HEXIM2: variants seen among roughly 807,000 people sequenced by gnomAD.
The protein encoded by HEXIM2 is protein HEXIM2.
For missense variants in HEXIM2, 413 were observed against 390.8 expected (o/e 1.06, Z -0.48); for synonymous variants, 159 against 162.7 (o/e 0.98, Z 0.17).
chr17:45,169,063 T>C lies in HEXIM2; in HGVS notation c.115T>C (p.Ser39Pro). ...SPQTPPERHD[S>P]GGSLPLTPRM... ...CCAAACACCCCCTGAGCGTCATGAC[T>C]CTGGTGGTTCCCTGCCCCTGACACC... The change falls in exon 4 of 4, where the codon TCT becomes CCT. Residue 39 changes from serine to proline, a missense_variant. Coordinates refer to ENST00000589230, the MANE Select transcript of HEXIM2 (RefSeq NM_001303441.2). 3.1e-6 allele frequency: 5 copies of C among 1,613,982 alleles called. No individual in the cohort carries two copies. Among genetic ancestry groups the C allele is most frequent in the Non-Finnish European group, 4.2e-6 (5 of 1,179,986 alleles).
chr17:45,168,050 A>T (rs1052160313), intron 3 of HEXIM2, among the ~76,000 whole-genome samples: 2 of 145,526 alleles, frequency 1.4e-5, no homozygotes, highest in African/African-American at 5.1e-5. Flanking sequence ...CGCCCGGCTT[A>T]TTTTTGTATT....
In HEXIM2 at chr17:45,162,737, T is replaced by A. The variant is rs1461986731; in HGVS notation, c.-44-13T>A. 1 of 1,612,684 alleles carries A rather than the reference T, an allele frequency of 6.2e-7. No homozygotes were observed. The highest frequency in any genetic ancestry group is 8.5e-7 in the Non-Finnish European group (1 of 1,179,472). Reference sequence around the variant, plus strand: ...TCCTTCAGGATTTAGGTTTCTGTTGTTGTTCAAAGCAGGTGTCACTAGTTC... The same window carrying A: ...TCCTTCAGGATTTAGGTTTCTGTTGATGTTCAAAGCAGGTGTCACTAGTTC... On this transcript the variant is annotated splice_polypyrimidine_tract_variant and intron_variant, in intron 2 of 3. Transcript: ENST00000589230.
chr17:45,170,008 G>C lies in HEXIM2; in HGVS notation c.*199G>C. 2.2e-6 allele frequency: 1 copy of C among 462,648 alleles called. No homozygotes were observed. Among genetic ancestry groups the C allele is most frequent in the African/African-American group, 2.0e-5 (1 of 50,200 alleles). The allele number at this position is 462,648 out of a possible 1,614,324, so 28.7% of individuals were successfully genotyped here. ...TTTGTGTCATCTTACCCTTTACAGA[G>C]AAATTAAATGGCCTTGGTGGGACCA... On this transcript the variant is annotated 3_prime_UTR_variant, in exon 4 of 4. Coordinates refer to ENST00000589230, the MANE Select transcript of HEXIM2 (RefSeq NM_001303441.2).
rs549837544 is a variant in HEXIM2 at position 45,169,885 on chromosome 17, G to C, written c.*76G>C. 24 of 1,295,202 alleles carry C rather than the reference G, an allele frequency of 1.9e-5. No individual in the cohort carries two copies. In the Admixed American group the frequency reaches 5.8e-4, roughly 31 times the overall value. The allele number at this position is 1,295,202 out of a possible 1,614,324, so 80.2% of individuals were successfully genotyped here. On this transcript the variant is annotated 3_prime_UTR_variant, in exon 4 of 4. Coordinates refer to ENST00000589230, the MANE Select transcript of HEXIM2 (RefSeq NM_001303441.2). ...ACTCAGGCCAGCTGGGTCTCAAGGA[G>C]GCAGGTGGCAGATGAAAACCACCGT...
chr17:45,168,381 G>C (rs1390905342), intron 3 of HEXIM2, among the ~76,000 whole-genome samples: 1 of 151,810 alleles, frequency 6.6e-6, no homozygotes, highest in Non-Finnish European at 1.5e-5. Flanking sequence ...TACGCGGGAG[G>C]CTGAGGCTGG....
Position 45,169,028 on chromosome 17 carries a change from CG to C in HEXIM2, c.84del (p.Ser29AlafsTer17). 1 of 1,609,852 alleles carries C rather than the reference CG, an allele frequency of 6.2e-7. No homozygotes were observed. Among genetic ancestry groups the C allele is most frequent in the East Asian group, 2.2e-5 (1 of 44,830 alleles). On this transcript the variant is annotated frameshift_variant, in exon 4 of 4. Coordinates refer to ENST00000589230, the MANE Select transcript of HEXIM2 (RefSeq NM_001303441.2). LOFTEE classifies it low-confidence loss of function (END_TRUNC). ...CCCTCTCTTTAGACCTCTGGTGCCC[CG>C]GGGAGCCCCCAAACACCCCCTGAGC... ...ALEEAKTSGA[P>X]GSPQTPPERH...
chr17:45,161,016 T>G (rs1263664344), upstream of HEXIM2: 1 of 1,191,910 alleles, frequency 8.4e-7, no homozygotes, highest in East Asian at 5.7e-5. Context: ...TGGCCAGACC[T>G]GCGACCTCCG....
rs766863468 is a variant in HEXIM2 at position 45,169,563 on chromosome 17, G to C, written c.615G>C (p.Leu205=). ...ACGAACGCTTCCACACCGAGAGCCT[G>C]CAGGGCCGCAGCAAGCAGGAGCTGG... ...ETYERFHTES[L]QGRSKQELVR... is the part of the protein sequence containing the mutation. Residue 205 remains leucine, a synonymous_variant, in exon 4 of 4, where the codon CTG becomes CTC. Transcript: ENST00000589230. The C allele has an allele frequency of 3.9e-6, 6 of 1,555,754 alleles. No individual in the cohort carries two copies. The highest frequency in any genetic ancestry group is 1.4e-5 in the African/African-American group (1 of 73,058).
chr17:45,166,790 G>A (rs1159075198), intron 3 of HEXIM2, among the ~76,000 whole-genome samples: 3 of 151,872 alleles, frequency 2.0e-5, no homozygotes, highest in Admixed American at 6.6e-5. Context: ...TTGGGAGGCC[G>A]AGGCGGGTGG....
At chr17:45,160,921 G>C (rs1336736425), upstream of HEXIM2, 3 of 1,289,796 alleles carry the variant, frequency 2.3e-6, no homozygotes, top group Admixed American at 2.3e-5. Flanking sequence ...CGGGCGGCGA[G>C]ATGGCGCTTT....
At chr17:45,164,332 A>G (rs2042782272) in intron 3 of HEXIM2, among the ~76,000 whole-genome samples, 1 of 151,994 alleles carries the variant, frequency 6.6e-6, no homozygotes, top group African/African-American at 2.4e-5. Context: ...GCACATTTCT[A>G]TAATCCCAGC....
intron 3 of HEXIM2, among the ~76,000 whole-genome samples, chr17:45,164,684 A>G (rs975836600): frequency 2.5e-4 from 38 of 152,188 alleles, no homozygotes; most frequent in African/African-American, 9.2e-4. Context: ...ATAACCCACG[A>G]AAGAGGAGAG....
chr17:45,169,704 G>T lies in HEXIM2; in HGVS notation c.756G>T (p.Leu252=). 1 of 1,529,374 alleles carries T rather than the reference G, an allele frequency of 6.5e-7. No homozygotes were observed. The highest frequency in any genetic ancestry group is 8.8e-7 in the Non-Finnish European group (1 of 1,135,634). 94.7% of individuals were successfully genotyped at this position (1,529,374 alleles called of 1,614,324 possible). The change falls in exon 4 of 4, where the codon CTG becomes CTT. Residue 252 remains leucine, a synonymous_variant. Transcript: ENST00000589230. ...GQQSCRQVEE[L]AAEVQRLRTE... is the part of the protein sequence containing the mutation. ...AGTCCTGCCGCCAGGTGGAGGAGCT[G>T]GCTGCCGAGGTCCAGAGGCTCCGGA...
chr17:45,164,967 G>A (rs909921430), intron 3 of HEXIM2, among the ~76,000 whole-genome samples: 1 of 152,196 alleles, frequency 6.6e-6, no homozygotes, highest in Non-Finnish European at 1.5e-5. Context: ...CTTATCTACA[G>A]TAGTGGTCAT....
chr17:45,161,008 G>A, upstream of HEXIM2: 1 of 1,234,884 alleles, frequency 8.1e-7, no homozygotes. Context: ...CCGACTTGTG[G>A]CCAGACCTGC....
At chr17:45,162,142 C>CT in intron 1 of HEXIM2, 111 bp downstream of exon 1, 1 of 422,460 alleles carries the variant, frequency 2.4e-6, no homozygotes, top group Non-Finnish European at 3.2e-6. Context: ...GCAAAGACCT[C>CT]TTTCCCCTTT....
upstream of HEXIM2, chr17:45,161,065 C>G (rs996161835): frequency 2.3e-5 from 17 of 739,044 alleles, no homozygotes; most frequent in Non-Finnish European, 3.3e-5. Context: ...TCTGGCGTCG[C>G]CCCCACCTCT....
rs1598127092 is a variant in HEXIM2 at position 45,161,941 on chromosome 17, T to C, written c.-283T>C. On this transcript the variant is annotated 5_prime_UTR_variant, in exon 1 of 4. Transcript: ENST00000589230. ...GAGCTGCTGCAACTGCAGCAAGAGG[T>C]AGGGCTCAGGCGTTGGGAATTGCAC... 1 of 985,338 alleles carries C rather than the reference T, an allele frequency of 1.0e-6. No individual in the cohort carries two copies. The highest frequency in any genetic ancestry group is 1.7e-5 in the African/African-American group (1 of 57,198). The allele number at this position is 985,338 out of a possible 1,614,324, so 61.0% of individuals were successfully genotyped here. A position where few individuals can be genotyped will look rare whatever the true frequency, so the allele number is the denominator to read the frequency against.
upstream of HEXIM2, chr17:45,160,881 A>G (rs1453402312): frequency 1.6e-6 from 2 of 1,288,212 alleles, no homozygotes; most frequent in Non-Finnish European, 1.0e-6. Flanking sequence ...TTGCTACAGT[A>G]GTTTAAGAGG....
Sources: gnomAD v4.1 joint callset for allele counts (sites outside exome capture counted in the v4.1 genomes callset) on GRCh38, gnomAD v4.1.1 for gene constraint, MANE v1.5 for transcripts, NCBI Gene and HGNC (gene_info 2026-07-23, HGNC 2026-07-21) for gene names.